ZNF425: variants seen among roughly 807,000 people sequenced by gnomAD.
ZNF425 encodes zinc finger protein 425.
ZNF425 carries 21 observed loss-of-function variants against 17.0 expected under a neutral mutation model. The ratio of observed to expected loss-of-function variants is 1.23; its 90% CI spans 0.88 to 1.78. ZNF425 has a LOEUF of 1.78. ZNF425 is among the 40% of genes most tolerant of loss of function. ZNF425 has a pLI of 0.00. For synonymous variants in ZNF425, 433 were observed against 384.1 expected (o/e 1.13, Z -1.49); for missense variants, 868 against 967.3 (o/e 0.90, Z 1.36).
Position 149,104,387 on chromosome 7 carries a change from T to G in ZNF425, c.1484A>C (p.Gln495Pro), listed in dbSNP as rs1301300124. ...GCACTCGCCGCAGGGAAACTCCTTC[T>G]GCCTGTCGTGGACTCTGGTGTGGCA... The part of the protein sequence containing the change: ...LACHTRVHDR[Q>P]KEFPCGECKK... Residue 495 changes from glutamine (Q) to proline (P), a missense_variant, in exon 4 of 4, where the codon CAG becomes CCG. Physicochemically the swap from Gln to Pro is moderately conservative, Grantham distance 76. Transcript: ENST00000378061. The surrounding 1 kb of genome is among the most constrained non-coding windows in gnomAD (Gnocchi z 4.3). 1 of 1,609,672 alleles carries G rather than the reference T, an allele frequency of 6.2e-7. No individual in the cohort carries two copies. The highest frequency in any genetic ancestry group is 2.2e-5 in the East Asian group (1 of 44,840).
chr7:149,123,486 G>T (rs1308453541), intron 1 of ZNF425, among the ~76,000 whole-genome samples: 4 of 152,190 alleles, frequency 2.6e-5, no homozygotes, highest in South Asian at 4.1e-4. Flanking sequence ...AGCCCTGAAA[G>T]CTTAAGTATC....
chr7:149,111,622 T>TA (rs1826178911), intron 3 of ZNF425, among the ~76,000 whole-genome samples: 1 of 117,548 alleles, frequency 8.5e-6, no homozygotes, highest in Non-Finnish European at 1.8e-5. Flanking sequence ...AAAAAAAAAA[T>TA]TATATATCTA....
At position 149,104,173 on chromosome 7, in the gene ZNF425, C is replaced by T; in HGVS notation, c.1698G>A (p.Lys566=). The T allele has an allele frequency of 6.2e-7, 1 of 1,613,510 alleles. No individual in the cohort carries two copies. Among genetic ancestry groups the T allele is most frequent in the South Asian group, 1.1e-5 (1 of 91,036 alleles). The part of the protein sequence containing the change: ...CPECDKSFSW[K]ASMKFHQRMH... The stretch of plus-strand genomic sequence containing the variant: ...TCCGCTGGTGGAACTTCATGGAGGC[C>T]TTCCAGGAGAAGCTCTTGTCGCACT... The change falls in exon 4 of 4, where the codon AAG becomes AAA. Residue 566 remains lysine (K), a synonymous_variant. Coordinates refer to ENST00000378061, the MANE Select transcript of ZNF425 (RefSeq NM_001001661.3). This position sits in a 1 kb window ranked among gnomAD's most constrained non-coding sequence, Gnocchi z 4.3.
At chr7:149,119,535 T>C (rs1826318308) in intron 1 of ZNF425, among the ~76,000 whole-genome samples, 1 of 152,216 alleles carries the variant, frequency 6.6e-6, no homozygotes, top group South Asian at 2.1e-4. Flanking sequence ...ATATGCTCAC[T>C]CATGTAACCA....
intron 1 of ZNF425, chr7:149,125,718 C>T (rs7787849): frequency 0.84 from 167,702 of 199,576 alleles, 70,859 homozygotes; most frequent in East Asian, 1. Flanking sequence ...GTTGCCCAGG[C>T]TGGAGGGCAG....
intron 1 of ZNF425, among the ~76,000 whole-genome samples, chr7:149,121,717 A>G (rs144131069): frequency 0.014 from 2,166 of 152,172 alleles, 18 homozygotes; most frequent in African/African-American, 0.026. Flanking sequence ...CCAGCAATCT[A>G]TAAGACAGCA....
At chr7:149,125,809 C>A in intron 1 of ZNF425, 3 of 379,206 alleles carry the variant, frequency 7.9e-6, no homozygotes, top group South Asian at 7.1e-5. Context: ...GCCGGTTCCC[C>A]CTCCCTGGGG....
intron 2 of ZNF425, among the ~76,000 whole-genome samples, chr7:149,116,128 T>C (rs1826262677): frequency 6.6e-6 from 1 of 152,070 alleles, no homozygotes; most frequent in Admixed American, 6.6e-5. Flanking sequence ...TCTAAATGAG[T>C]TGTTGTCCCA....
chr7:149,118,601 T>G (rs989122892), intron 1 of ZNF425: 5 of 449,516 alleles, frequency 1.1e-5, no homozygotes, highest in Non-Finnish European at 2.1e-5. Flanking sequence ...TCACCTGAGG[T>G]CAGGAGTTTG....
In ZNF425 at chr7:149,126,305, A is replaced by G. The variant is rs1015140537; in HGVS notation, c.-92T>C. On this transcript the variant is annotated 5_prime_UTR_variant, in exon 1 of 4. Transcript: ENST00000378061. ...CAGGTACAGCCCTGCTGGCCCCCAA[A>G]GGCAGAGCCGGCCGGGCGCGGTGCA... 1.5e-5 allele frequency: 23 copies of G among 1,507,848 alleles called. No individual in the cohort carries two copies. In the Admixed American group the frequency reaches 4.9e-4, roughly 32 times the overall value. 93.4% of individuals were successfully genotyped at this position (1,507,848 alleles called of 1,614,324 possible). A position where few individuals can be genotyped will look rare whatever the true frequency, so the allele number is the denominator to read the frequency against.
intron 3 of ZNF425, among the ~76,000 whole-genome samples, chr7:149,110,796 CTTTT>C (rs71192754): frequency 1.5e-5 from 2 of 133,246 alleles, no homozygotes; most frequent in African/African-American, 2.8e-5. Context: ...ATCCCTTGTT[CTTTT>C]TTTTTTTTTT....
chr7:149,126,217 G>A lies in ZNF425; in HGVS notation c.-4C>T. 4 of 1,611,568 alleles carry A rather than the reference G, an allele frequency of 2.5e-6. No individual in the cohort carries two copies. The highest frequency in any genetic ancestry group is 3.4e-6 in the Non-Finnish European group (4 of 1,179,240). On this transcript the variant is annotated 5_prime_UTR_variant, in exon 1 of 4. Coordinates refer to ENST00000378061, the MANE Select transcript of ZNF425 (RefSeq NM_001001661.3). ...TTACCGAAGCCGGCTCGGCCATGGC[G>A]GTTCCGCACGAACCGGCCCTGCCTG...
rs1170108639 is a variant in ZNF425 at position 149,110,505 on chromosome 7, G to A, written c.304+1632C>T. On this transcript the variant is annotated intron_variant, in intron 3 of 3. Transcript: ENST00000378061. ...TGCTTGAACCCAGGAGATGGAGGTT[G>A]CAGTGAGCCCACACGGTGCCACTGC... is the stretch of plus-strand genomic sequence containing the variant. Among the ~76,000 whole-genome samples the A allele has an allele frequency of 3.3e-5, 5 of 150,994 alleles. No individual in the cohort carries two copies. The East Asian group carries it at 1.0e-3, about 30-fold the overall frequency.
chr7:149,123,721 C>T (rs1196111748), intron 1 of ZNF425, among the ~76,000 whole-genome samples: 1 of 150,362 alleles, frequency 6.7e-6, no homozygotes, highest in Non-Finnish European at 1.5e-5. Context: ...TAGTAGAGAC[C>T]GGGTTTCGCC....
chr7:149,123,827 C>T (rs1422205330), intron 1 of ZNF425, among the ~76,000 whole-genome samples: 10 of 147,054 alleles, frequency 6.8e-5, no homozygotes, highest in Non-Finnish European at 1.3e-4. Context: ...CCACTGCGCC[C>T]GGACTTGCTT....
chr7:149,120,714 C>G (rs2129518550), intron 1 of ZNF425, among the ~76,000 whole-genome samples: 1 of 152,272 alleles, frequency 6.6e-6, no homozygotes, highest in South Asian at 2.1e-4. Context: ...TTTTTGGAAG[C>G]ACACTCTGAT....
chr7:149,104,616 A>C lies in ZNF425; in HGVS notation c.1255T>G (p.Cys419Gly), dbSNP rs1428764437. 6.2e-7 allele frequency: 1 copy of C among 1,614,132 alleles called. No individual in the cohort carries two copies. Among genetic ancestry groups the C allele is most frequent in the Non-Finnish European group, 8.5e-7 (1 of 1,180,016 alleles). Residue 419 changes from cysteine (C) to glycine (G), a missense_variant, in exon 4 of 4, where the codon TGT (cysteine) becomes GGT (glycine). Cys to Gly is a radical substitution (Grantham distance 159). Transcript: ENST00000378061. The surrounding 1 kb of genome is among the most constrained non-coding windows in gnomAD (Gnocchi z 4.3). ...CTCTTGAGGCGGAAACTTTTGTTAC[A>C]CTCGGGACACGAAAAGGGCTTCTCT... Reference protein sequence around the residue: ...TGEKPFSCPECNKSFRLKRSL... With the variant: ...TGEKPFSCPEGNKSFRLKRSL...
rs768569686 is a variant in ZNF425, at chr7:149,118,252, T to A, written c.115A>T (p.Lys39Ter). 4 of 1,614,122 alleles carry A rather than the reference T, an allele frequency of 2.5e-6. No homozygotes were observed. In the East Asian group the frequency reaches 8.9e-5, roughly 36 times the overall value. The change falls in exon 2 of 4, where the codon AAG becomes TAG. Residue 39 changes from lysine (K) to a stop codon, truncating the protein, a stop_gained. Coordinates refer to ENST00000378061, the MANE Select transcript of ZNF425 (RefSeq NM_001001661.3). LOFTEE classifies it high-confidence loss of function. ...GAATCAAGGGTCTCGTAATTGGTCT[T>A]CATCTCTTGCTTATACATTTGCTTC... ...WQKQMYKQEMKTNYETLDSLG... is the reference protein window; with the variant it reads ...WQKQMYKQEM
intron 2 of ZNF425, among the ~76,000 whole-genome samples, chr7:149,112,963 C>T (rs1390641644): frequency 1.3e-5 from 2 of 149,986 alleles, no homozygotes; most frequent in South Asian, 2.1e-4. Flanking sequence ...CCGCGCCCAG[C>T]CCCGTGACCC....
Sources: gnomAD v4.1 joint callset for allele counts (sites outside exome capture counted in the v4.1 genomes callset) on GRCh38, gnomAD v4.1.1 for gene constraint, Gnocchi (gnomAD v3.1) non-coding constraint, MANE v1.5 for transcripts, NCBI Gene and HGNC (gene_info 2026-07-23, HGNC 2026-07-21) for gene names.